Variants in PUM2 observed in about 807,000 individuals in gnomAD.
PUM2 encodes the protein pumilio homolog 2.
PUM2 carries 57 observed loss-of-function variants against 124.5 expected under a neutral mutation model. That is an observed-to-expected ratio of 0.46 (90% CI 0.37 to 0.57). The LOEUF is 0.57. PUM2 is among the 20% of genes least tolerant of loss of function. The pLI, the probability that PUM2 is intolerant of heterozygous loss-of-function variation, is 0.00. For synonymous variants in PUM2, 460 were observed against 446.1 expected (o/e 1.03, Z -0.39); for missense variants, 1,065 against 1,290.6 (o/e 0.83, Z 2.68).
Position 20,251,671 on chromosome 2 carries a change from G to T in PUM2, c.3109C>A (p.His1037Asn). Reference protein sequence around the residue: ...TTLRKYTYGKHILAKLEKYYL... With the variant: ...TTLRKYTYGKNILAKLEKYYL... The stretch of plus-strand genomic sequence containing the variant: ...TACTTTTCCAACTTGGCCAGTATAT[G>T]CTTCCCGTATGTGTATTTGCGCAAA... The change falls in exon 21 of 21, where the codon CAT becomes AAT. Residue 1037 changes from histidine (H) to asparagine (N), a missense_variant. Around this residue, in one of 3 missense-constraint regions of PUM2, gnomAD observed 968 missense variants for 1,159.8 expected, o/e 0.83. Transcript: ENST00000361078. The T allele has an allele frequency of 6.2e-7, 1 of 1,613,638 alleles. No individual in the cohort carries two copies. Among genetic ancestry groups the T allele is most frequent in the Non-Finnish European group, 8.5e-7 (1 of 1,179,598 alleles).
At chr2:20,350,404 CACACCCCCTTCCG>C (rs1689106620) in intron 1 of PUM2, 180 bp downstream of exon 1, 1 of 879,662 alleles carries the variant, frequency 1.1e-6, no homozygotes, top group South Asian at 5.2e-5. Context: ...CCCGCACGCG[CACACCCCCTTCCG>C]GCACCCCTCC....
intron 12 of PUM2, among the ~76,000 whole-genome samples, chr2:20,279,367 G>A (rs1195564127): frequency 6.6e-6 from 1 of 152,096 alleles, no homozygotes; most frequent in East Asian, 1.9e-4. Context: ...GAAATACAGT[G>A]AGCAGCTAAC....
At position 20,251,505 on chromosome 2, in the gene PUM2, T is replaced by C. The variant is rs1031035402; in HGVS notation, c.*80A>G. On this transcript the variant is annotated 3_prime_UTR_variant, in exon 21 of 21. Transcript: ENST00000361078. ...TAAAAAAAAATTGAAGATTCATAGT[T>C]GAGTTGTGTTTTGATAATTCACACA... 6 of 1,455,776 alleles carry C rather than the reference T, an allele frequency of 4.1e-6. No homozygotes were observed. The highest frequency in any genetic ancestry group is 2.1e-5 in the Admixed American group (1 of 46,876). 90.2% of individuals were successfully genotyped at this position (1,455,776 alleles called of 1,614,324 possible).
chr2:20,315,855 AAAAC>A (rs1680798244), intron 3 of PUM2, among the ~76,000 whole-genome samples: 1 of 151,246 alleles, frequency 6.6e-6, no homozygotes, highest in Admixed American at 6.6e-5. Flanking sequence ...AAAAAAAAAA[AAAAC>A]AAACCAAAAA....
At chr2:20,349,576 T>G (rs1055038541) in intron 1 of PUM2, among the ~76,000 whole-genome samples, 5 of 152,224 alleles carry the variant, frequency 3.3e-5, no homozygotes, top group African/African-American at 1.2e-4. Context: ...CCAGGTCACA[T>G]GGTGAAGAGT....
At chr2:20,297,783 G>C in intron 7 of PUM2, 105 bp from the exon 8 acceptor site, 101 of 1,118,388 alleles carry the variant, frequency 9.0e-5, no homozygotes, top group Non-Finnish European at 1.1e-4. Flanking sequence ...TGGGGGTGGG[G>C]AGCAGAGTGT....
At chr2:20,280,389 A>T (rs960809559) in intron 12 of PUM2, among the ~76,000 whole-genome samples, 27 of 152,164 alleles carry the variant, frequency 1.8e-4, no homozygotes, top group Admixed American at 1.6e-3. Flanking sequence ...ATAAACAGTT[A>T]TTCTTGAGTT....
Position 20,258,326 on chromosome 2 carries a change from C to CTCG in PUM2, c.2400_2401insCGA (p.Arg800dup). The CTCG allele has an allele frequency of 6.2e-7, 1 of 1,612,298 alleles. No individual in the cohort carries two copies. On this transcript the variant is annotated inframe_insertion, in exon 16 of 21. Transcript: ENST00000361078. Reference sequence around the variant, plus strand: ...TGCAAGGCTAAGGGTAGAACATGACCACGAATACGAGTAGCCAGGGCTAAT... The same window carrying CTCG: ...TGCAAGGCTAAGGGTAGAACATGACCTCGACGAATACGAGTAGCCAGGGCTAAT...
Position 20,290,706 on chromosome 2 carries a change from C to T in PUM2, c.1237G>A (p.Ala413Thr), listed in dbSNP as rs1054939170. 5 of 1,613,360 alleles carry T rather than the reference C, an allele frequency of 3.1e-6. No individual in the cohort carries two copies. Among genetic ancestry groups the T allele is most frequent in the African/African-American group, 1.3e-5 (1 of 74,908 alleles). Residue 413 changes from alanine (A) to threonine (T), a missense_variant, in exon 10 of 21, where the codon GCA becomes ACA. Transcript: ENST00000361078. Reference sequence around the variant, plus strand: ...AAAGCCAATGTTGGATTTGCTGCTGCAGCTGCCGCAAGTGATTCTGCTTGC... The same window carrying T: ...AAAGCCAATGTTGGATTTGCTGCTGTAGCTGCCGCAAGTGATTCTGCTTGC... ...GQQAESLAAA[A>T]AANPTLAFGQ...
At chr2:20,331,232 CTT>C (rs1206268509) in intron 1 of PUM2, among the ~76,000 whole-genome samples, 7 of 151,872 alleles carry the variant, frequency 4.6e-5, no homozygotes, top group Non-Finnish European at 8.8e-5. Context: ...GGATGAGAAA[CTT>C]TTGATTCCTT....
chr2:20,258,760 C>T (rs1387616493), intron 15 of PUM2, among the ~76,000 whole-genome samples: 3 of 150,602 alleles, frequency 2.0e-5, no homozygotes, highest in African/African-American at 4.9e-5. Flanking sequence ...CTCTGCTTCC[C>T]GGGTTCACGC....
At position 20,259,722 on chromosome 2, in the gene PUM2, G is replaced by A. The variant is rs534282613; in HGVS notation, c.2355+615C>T. ...GGGCTGTTTCCGCCTTTTGGCTATC[G>A]TGAATAATGGTGCAATATATACTGG... On this transcript the variant is annotated intron_variant, in intron 15 of 20. Transcript: ENST00000361078. 6.6e-5 allele frequency among the ~76,000 whole-genome samples: 10 copies of A among 152,186 alleles called. No homozygotes were observed. The East Asian group carries it at 7.7e-4, about 12-fold the overall frequency.
intron 2 of PUM2, among the ~76,000 whole-genome samples, chr2:20,323,223 C>T (rs983453678): frequency 1.3e-4 from 20 of 151,968 alleles, no homozygotes; most frequent in African/African-American, 4.8e-4. Context: ...CCGAAGTGGG[C>T]GGACCACGAG....
At chr2:20,264,327 ACT>A (rs1249076338) in intron 13 of PUM2, among the ~76,000 whole-genome samples, 83 of 107,896 alleles carry the variant, frequency 7.7e-4, no homozygotes, top group Non-Finnish European at 1.2e-3. Flanking sequence ...ACACAGCAAC[ACT>A]CTGTCTCAAA....
In PUM2 at chr2:20,279,339, C is replaced by A. The variant is rs915332205; in HGVS notation, c.1721-520G>T. Among the ~76,000 whole-genome samples, 140 of 152,112 alleles carry A rather than the reference C, an allele frequency of 9.2e-4. 2 individuals carry two copies. Among genetic ancestry groups the A allele is most frequent in the African/African-American group, 3.3e-3 (135 of 41,504 alleles). On this transcript the variant is annotated intron_variant, in intron 12 of 20. Transcript: ENST00000361078. ...ATAGCCCTTTAAGTCCATATTGGCC[C>A]GAATATTGATCAGTTGTGAAATACA...
chr2:20,343,252 G>T (rs902284352), intron 1 of PUM2, among the ~76,000 whole-genome samples: 1 of 152,016 alleles, frequency 6.6e-6, no homozygotes, highest in Non-Finnish European at 1.5e-5. Flanking sequence ...AAATTAGCTG[G>T]GTGTACTGGT....
chr2:20,350,951 G>A, upstream of PUM2: 1 of 228,314 alleles, frequency 4.4e-6, no homozygotes, highest in Non-Finnish European at 7.3e-6. Flanking sequence ...CTCCCGCGCT[G>A]CCGCCGCGCG....
chr2:20,264,764 C>A (rs183408819), intron 13 of PUM2, among the ~76,000 whole-genome samples: 17 of 152,030 alleles, frequency 1.1e-4, no homozygotes, highest in Admixed American at 5.2e-4. Context: ...TAGAGATGGT[C>A]CCAAGGATAC....
intron 14 of PUM2, among the ~76,000 whole-genome samples, chr2:20,261,394 CAAAAAAAAAAAAAAA>C (rs200294801): frequency 0.015 from 1,159 of 76,734 alleles, 62 homozygotes; most frequent in African/African-American, 0.06. Context: ...ACTCTGTCTC[CAAAAAAAAAAAAAAA>C]AAAAAAAAAA....
Sources: allele counts gnomAD v4.1 joint callset (sites outside exome capture counted in the v4.1 genomes callset), GRCh38; gene constraint gnomAD v4.1.1; regional missense constraint gnomAD v4.1.1; transcripts MANE v1.5; gene names NCBI Gene and HGNC (gene_info 2026-07-23, HGNC 2026-07-21).